The following NLRP3 variants were observed in gnomAD, a reference collection of about 807,000 sequenced individuals.
NLRP3 encodes NLR family pyrin domain containing 3, also known as NACHT, LRR and PYD domains-containing protein 3.
Under a neutral mutation model 91.3 loss-of-function variants are expected in NLRP3, and 48 were observed. That is an observed-to-expected ratio of 0.53 (90% CI 0.42 to 0.67). The LOEUF (loss-of-function observed/expected upper bound fraction) is 0.67. Ranked by LOEUF, NLRP3 falls within the 30% of genes least tolerant of loss-of-function variation. The pLI is 0.00. For missense variants in NLRP3, 982 were observed against 1,276.9 expected (o/e 0.77, Z 3.52); for synonymous variants, 561 against 507.9 (o/e 1.10, Z -1.41).
intron 7 of NLRP3, among the ~76,000 whole-genome samples, chr1:247,437,238 C>G (rs1663858112): frequency 6.6e-6 from 1 of 152,226 alleles, no homozygotes; most frequent in Admixed American, 6.5e-5. Flanking sequence ...AATCTTCATT[C>G]TGACAATAAT....
chr1:247,447,515 G>T (rs1038325307), intron 9 of NLRP3, among the ~76,000 whole-genome samples: 16 of 152,210 alleles, frequency 1.1e-4, no homozygotes, highest in South Asian at 2.1e-4. Context: ...TATAAATGGT[G>T]CAGGACAAAT....
chr1:247,423,659 G>T (rs186867948), intron 3 of NLRP3, among the ~76,000 whole-genome samples, 188 bp from the exon 4 acceptor site: 4 of 152,136 alleles, frequency 2.6e-5, no homozygotes, highest in East Asian at 3.9e-4. Context: ...TGGGCCTTCT[G>T]CTCAGCTGTG....
intron 9 of NLRP3, among the ~76,000 whole-genome samples, chr1:247,446,285 G>A (rs960928865): frequency 6.6e-6 from 1 of 152,208 alleles, no homozygotes; most frequent in Non-Finnish European, 1.5e-5. Context: ...CATTCTGACA[G>A]GTCACCCTGC....
At chr1:247,435,734 C>T (rs1256588972) in intron 6 of NLRP3, among the ~76,000 whole-genome samples, 22 of 152,126 alleles carry the variant, frequency 1.4e-4, no homozygotes, top group Non-Finnish European at 1.5e-5. Flanking sequence ...ACGTATTTTA[C>T]CACAATAAAG....
intron 7 of NLRP3, among the ~76,000 whole-genome samples, chr1:247,442,574 G>A (rs1235953674): frequency 6.6e-6 from 1 of 152,220 alleles, no homozygotes; most frequent in Non-Finnish European, 1.5e-5. Context: ...AAGGAAGAGA[G>A]AGGTGGACAG....
Position 247,429,567 on chromosome 1 carries a change from C to T in NLRP3, c.2151-18C>T. On this transcript the variant is annotated intron_variant, in intron 4 of 9. Coordinates refer to ENST00000336119, the MANE Select transcript of NLRP3 (RefSeq NM_001243133.2). Reference sequence around the variant, plus strand: ...CGAGGCTGATTTCTTTTCTGTCTGTCTTCCTTCTAATTCCTAGATTGGTGA... The same window carrying T: ...CGAGGCTGATTTCTTTTCTGTCTGTTTTCCTTCTAATTCCTAGATTGGTGA... The T allele has an allele frequency of 6.2e-7, 1 of 1,613,970 alleles. No individual in the cohort carries two copies. Among genetic ancestry groups the T allele is most frequent in the African/African-American group, 1.3e-5 (1 of 75,058 alleles).
At chr1:247,448,274 T>G in intron 9 of NLRP3, 131 bp from the exon 10 acceptor site, 1 of 491,966 alleles carries the variant, frequency 2.0e-6, no homozygotes, top group Non-Finnish European at 3.7e-6. Flanking sequence ...CCCTCTTTTT[T>G]TTTTTTTTTT....
intron 2 of NLRP3, 35 bp downstream of exon 2, chr1:247,419,112 G>A (rs751366577): frequency 1.9e-6 from 3 of 1,586,230 alleles, no homozygotes; most frequent in Non-Finnish European, 1.7e-6. Context: ...AAAAATTGTG[G>A]CCAAGTGCAC....
intron 4 of NLRP3, among the ~76,000 whole-genome samples, chr1:247,428,875 T>C (rs1484433379): frequency 6.7e-6 from 1 of 150,124 alleles, no homozygotes; most frequent in Non-Finnish European, 1.5e-5. Flanking sequence ...GGATGTGGCC[T>C]GGGCTTGCGA....
intron 2 of NLRP3, among the ~76,000 whole-genome samples, chr1:247,422,510 A>G (rs949800616): frequency 2.6e-5 from 4 of 152,136 alleles, no homozygotes; most frequent in African/African-American, 4.8e-5. Flanking sequence ...ATGCCTTCTT[A>G]AGATATGCTA....
intron 7 of NLRP3, among the ~76,000 whole-genome samples, chr1:247,443,535 G>A (rs747310173): frequency 1.3e-5 from 2 of 150,360 alleles, no homozygotes; most frequent in Non-Finnish European, 3.0e-5. Context: ...TTCCCATGAG[G>A]AGGATTTTTT....
At chr1:247,423,437 T>C in intron 3 of NLRP3, 88 bp downstream of exon 3, 1 of 1,478,850 alleles carries the variant, frequency 6.8e-7, no homozygotes, top group Non-Finnish European at 9.4e-7. Flanking sequence ...AACTTGGCCA[T>C]ACTATAGGTT....
rs1218282359 is a variant in NLRP3 at position 247,423,881 on chromosome 1, C to T, written c.432C>T (p.Ser144=). Residue 144 remains serine (S), a synonymous_variant, in exon 4 of 10, where the codon AGC becomes AGT. Transcript: ENST00000336119. ...YRKKYRKYVR[S]RFQCIEDRNA... Reference sequence around the variant, plus strand: ...AGAAGTACAGAAAGTACGTGAGAAGCAGATTCCAGTGCATTGAAGACAGGA... The same window carrying T: ...AGAAGTACAGAAAGTACGTGAGAAGTAGATTCCAGTGCATTGAAGACAGGA... 2 of 1,614,030 alleles carry T rather than the reference C, an allele frequency of 1.2e-6. No homozygotes were observed. The highest frequency in any genetic ancestry group is 1.7e-5 in the Admixed American group (1 of 60,014).
At chr1:247,426,822 C>T (rs1032823720) in intron 4 of NLRP3, among the ~76,000 whole-genome samples, 12 of 152,264 alleles carry the variant, frequency 7.9e-5, no homozygotes, top group Admixed American at 1.3e-4. Flanking sequence ...TGGGTGTCCC[C>T]GCTCAGCCAG....
intron 4 of NLRP3, among the ~76,000 whole-genome samples, chr1:247,428,649 TTTTTAAA>T (rs200394543): frequency 0.32 from 49,270 of 151,984 alleles, 9,841 homozygotes; most frequent in South Asian, 0.45. Flanking sequence ...CACCTGGCTT[TTTTTAAA>T]TAAAAAAGAT....
intron 9 of NLRP3, among the ~76,000 whole-genome samples, chr1:247,447,354 C>T (rs998973539): frequency 2.2e-4 from 33 of 152,192 alleles, no homozygotes; most frequent in Non-Finnish European, 4.1e-4. Context: ...TCACCCCATA[C>T]TGAGGGCCCC....
Position 247,424,164 on chromosome 1 carries a change from T to A in NLRP3, c.715T>A (p.Leu239Met), listed in dbSNP as rs1395728949. ...AACAATCCTGGCCAGGAAGATGATG[T>A]TGGACTGGGCGTCGGGGACACTCTA... ...GKTILARKMM[L>M]DWASGTLYQD... The change falls in exon 4 of 10, where the codon TTG becomes ATG. Residue 239 changes from leucine to methionine, a missense_variant. By Grantham distance (15) the Leu-to-Met change is conservative (BLOSUM62 2). Around this residue, in one of 5 missense-constraint regions of NLRP3, gnomAD observed 548 missense variants for 713.7 expected, o/e 0.77. Transcript: ENST00000336119. The surrounding 1 kb of genome is among the most constrained non-coding windows in gnomAD (Gnocchi z 8.1). 6.2e-7 allele frequency: 1 copy of A among 1,614,066 alleles called. No individual in the cohort carries two copies. The highest frequency in any genetic ancestry group is 1.1e-5 in the South Asian group (1 of 91,068).
Position 247,418,307 on chromosome 1 carries a change from C to CTTT in NLRP3, c.-484_-482dup. Reference sequence around the variant, plus strand: ...AACTTTCTGGTAAGCATTTGGCTAACTTTTTTTTTTTTGAGATGGAGTCTT... The same window carrying CTTT: ...AACTTTCTGGTAAGCATTTGGCTAACTTTTTTTTTTTTTTTGAGATGGAGTCTT... On this transcript the variant is annotated 5_prime_UTR_variant, in exon 2 of 10. Transcript: ENST00000336119. 3 of 189,018 alleles carry CTTT rather than the reference C, an allele frequency of 1.6e-5. No homozygotes were observed. Among genetic ancestry groups the CTTT allele is most frequent in the South Asian group, 8.6e-5 (1 of 11,634 alleles). The allele number at this position is 189,018 out of a possible 1,614,324, so 11.7% of individuals were successfully genotyped here.
At chr1:247,421,226 G>A (rs530950666) in intron 2 of NLRP3, among the ~76,000 whole-genome samples, 2 of 152,256 alleles carry the variant, frequency 1.3e-5, no homozygotes, top group African/African-American at 4.8e-5. Context: ...ATGGGAAGGA[G>A]GAGTACAAAT....
Sources: allele counts gnomAD v4.1 joint callset (sites outside exome capture counted in the v4.1 genomes callset), GRCh38; gene constraint gnomAD v4.1.1; regional missense constraint gnomAD v4.1.1; non-coding constraint Gnocchi (gnomAD v3.1); transcripts MANE v1.5; gene names NCBI Gene and HGNC (gene_info 2026-07-23, HGNC 2026-07-21).